The following TUSC3 variants were observed in gnomAD, a reference collection of about 807,000 sequenced individuals.
The protein encoded by TUSC3 is dolichyl-diphosphooligosaccharide--protein glycosyltransferase subunit TUSC3.
TUSC3 carries 45 observed loss-of-function variants against 44.8 expected under a neutral mutation model. The observed-to-expected ratio is 1.00, with a 90% CI of 0.79 to 1.29. The LOEUF is 1.29. Ranked by LOEUF, TUSC3 falls within the 50% of genes most tolerant of loss-of-function variation. The pLI is 0.00. For synonymous variants in TUSC3, 212 were observed against 152.9 expected (o/e 1.39, Z -2.85); for missense variants, 519 against 437.9 (o/e 1.19, Z -1.65).
At chr8:15,827,757 A>G in the TUSC3 span, among the ~76,000 whole-genome samples, 1 of 152,128 alleles carries the variant, frequency 6.6e-6, no homozygotes, top group Non-Finnish European at 1.5e-5. Flanking sequence ...CCTGAGTCTC[A>G]CTGATAACTG....
the TUSC3 span, among the ~76,000 whole-genome samples, chr8:15,775,924 T>C: frequency 2.6e-5 from 4 of 151,954 alleles, no homozygotes; most frequent in African/African-American, 7.2e-5. Context: ...GAACAAGATA[T>C]TCAAACCAAT....
chr8:15,628,701 G>A (rs1019524662), intron 2 of TUSC3, among the ~76,000 whole-genome samples: 2 of 152,156 alleles, frequency 1.3e-5, no homozygotes, highest in African/African-American at 4.8e-5. Context: ...TTAACTAATT[G>A]GATAACCATG....
intron 1 of TUSC3, among the ~76,000 whole-genome samples, chr8:15,565,139 T>C (rs1196548328): frequency 1.3e-5 from 2 of 151,876 alleles, no homozygotes; most frequent in Non-Finnish European, 2.9e-5. Flanking sequence ...TGCAGGTTTG[T>C]TTCCTGCTGG....
chr8:15,788,075 C>A, the TUSC3 span, among the ~76,000 whole-genome samples: 2 of 152,128 alleles, frequency 1.3e-5, no homozygotes. Context: ...TGTAGTCCTT[C>A]CTTTCATGGG....
rs1309149697 is a variant in TUSC3 at position 15,573,234 on chromosome 8, GTT to G, written c.138+32678_138+32679del. On this transcript the variant is annotated intron_variant, in intron 1 of 10. Transcript: ENST00000503731. ...TATATATATATATATATATATAAAA[GTT>G]TTTTTTTTTTTGGGCATACCATCAA... 7.3e-5 allele frequency among the ~76,000 whole-genome samples: 5 copies of G among 68,636 alleles called. No homozygotes were observed. The East Asian group carries it at 1.6e-3, about 22-fold the overall frequency. The allele number at this position is 68,636 out of a possible 152,430, so 45.0% of individuals were successfully genotyped here.
At chr8:15,501,303 C>T (rs893214259) in intron 2 of TUSC3, among the ~76,000 whole-genome samples, 2 of 152,146 alleles carry the variant, frequency 1.3e-5, no homozygotes, top group Admixed American at 6.5e-5. Flanking sequence ...TAAAATGCAT[C>T]CCTTTTCCAT....
chr8:15,463,268 T>A (rs192011087), intron 1 of TUSC3, among the ~76,000 whole-genome samples: 172 of 152,242 alleles, frequency 1.1e-3, no homozygotes, highest in African/African-American at 3.2e-3. Flanking sequence ...TTGGGAAGAA[T>A]AAAAATATAT....
At chr8:15,779,141 G>C in the TUSC3 span, among the ~76,000 whole-genome samples, 1 of 143,062 alleles carries the variant, frequency 7.0e-6, no homozygotes, top group African/African-American at 2.6e-5. Context: ...TAGTAAAAGA[G>C]TAAGTATATT....
At chr8:15,512,918 C>CTA (rs1158614484) in intron 2 of TUSC3, among the ~76,000 whole-genome samples, 3 of 71,240 alleles carry the variant, frequency 4.2e-5, no homozygotes, top group Non-Finnish European at 7.5e-5. Flanking sequence ...ATATATGTAT[C>CTA]TATATATATA....
the TUSC3 span, among the ~76,000 whole-genome samples, chr8:15,774,870 G>A: frequency 1.3e-5 from 2 of 151,962 alleles, no homozygotes; most frequent in Admixed American, 6.6e-5. Flanking sequence ...GCTCTCATAC[G>A]TTGTGGGAAT....
At chr8:15,588,744 G>A (rs75711189) in intron 1 of TUSC3, among the ~76,000 whole-genome samples, 4,098 of 152,218 alleles carry the variant, frequency 0.027, 195 homozygotes, top group East Asian at 0.22. Flanking sequence ...GTGAGAGACA[G>A]GGTCCAGTTC....
chr8:15,533,856 G>C (rs1801483375), intron 2 of TUSC3, among the ~76,000 whole-genome samples: 1 of 152,134 alleles, frequency 6.6e-6, no homozygotes, highest in Non-Finnish European at 1.5e-5. Context: ...CCAGTCAGTG[G>C]GGAGGTTTCT....
chr8:15,429,166 C>T (rs1250236172), intron 1 of TUSC3, among the ~76,000 whole-genome samples: 1 of 152,076 alleles, frequency 6.6e-6, no homozygotes, highest in Non-Finnish European at 1.5e-5. Flanking sequence ...AGGAAGGGAT[C>T]CAGTTTCAGC....
At chr8:15,625,088 A>T (rs1054879080) in intron 2 of TUSC3, among the ~76,000 whole-genome samples, 17 of 152,060 alleles carry the variant, frequency 1.1e-4, no homozygotes, top group South Asian at 4.2e-4. Flanking sequence ...CATTAAAAAA[A>T]TTTTTTTTGT....
chr8:15,513,044 T>G (rs1333745618), intron 2 of TUSC3, among the ~76,000 whole-genome samples: 4 of 149,782 alleles, frequency 2.7e-5, no homozygotes, highest in Non-Finnish European at 4.4e-5. Flanking sequence ...ACCCCATATA[T>G]TCAAGAAGTT....
chr8:15,626,701 G>A (rs1805524973), intron 2 of TUSC3, among the ~76,000 whole-genome samples: 1 of 152,204 alleles, frequency 6.6e-6, no homozygotes, highest in African/African-American at 2.4e-5. Flanking sequence ...CAGTCTTGGA[G>A]CAAGGATTGG....
the TUSC3 span, chr8:15,806,665 A>C: frequency 5.6e-6 from 6 of 1,072,000 alleles, no homozygotes; most frequent in Non-Finnish European, 8.6e-6. Flanking sequence ...CAAGCTGCCC[A>C]GTAGGACCTT....
the TUSC3 span, among the ~76,000 whole-genome samples, chr8:15,785,035 T>C: frequency 6.6e-6 from 1 of 151,910 alleles, no homozygotes; most frequent in African/African-American, 2.4e-5. Flanking sequence ...ACACAATTAT[T>C]TTTCAATTAA....
chr8:15,432,768 T>A lies in TUSC3; in HGVS notation n.91+15463T>A, dbSNP rs1388123652. 2.0e-5 allele frequency among the ~76,000 whole-genome samples: 3 copies of A among 151,530 alleles called. No homozygotes were observed. The East Asian group carries it at 5.9e-4, about 30-fold the overall frequency. On this transcript the variant is annotated intron_variant and non_coding_transcript_variant, in intron 1 of 5. Coordinates refer to the TUSC3 transcript ENST00000503191. ...ACCCCGCCCCCACACCCCACTTAGG[T>A]GAGGCAGGATAGCTAGAGCGGGTTA...
Sources: allele counts gnomAD v4.1 joint callset (sites outside exome capture counted in the v4.1 genomes callset), GRCh38; gene constraint gnomAD v4.1.1; transcripts MANE v1.5; gene names NCBI Gene and HGNC (gene_info 2026-07-23, HGNC 2026-07-21).